Variants in LRP6 observed in about 807,000 individuals in gnomAD.
The protein encoded by LRP6 is LDL receptor related protein 6.
A neutral mutation model predicts 184.1 loss-of-function variants in LRP6; 43 were observed. That is an observed-to-expected ratio of 0.23 (90% CI 0.18 to 0.30). The LOEUF (loss-of-function observed/expected upper bound fraction) is 0.30. LRP6 is among the 10% of genes least tolerant of loss of function. The pLI is 1.00. For missense variants in LRP6, 1,571 were observed against 2,005.3 expected (o/e 0.78, Z 4.14); for synonymous variants, 719 against 684.9 (o/e 1.05, Z -0.78).
At chr12:12,121,675 C>A (rs1277206694) in intron 22 of LRP6, among the ~76,000 whole-genome samples, 1 of 152,078 alleles carries the variant, frequency 6.6e-6, no homozygotes, top group East Asian at 1.9e-4. Flanking sequence ...TTCAATCTAG[C>A]CTCTGGTTGT....
intron 2 of LRP6, among the ~76,000 whole-genome samples, chr12:12,218,298 A>G (rs1864399339): frequency 6.6e-6 from 1 of 151,810 alleles, no homozygotes; most frequent in East Asian, 1.9e-4. Context: ...CATAACGAGA[A>G]CCCCCATCTT....
rs770419251 is a variant in LRP6 at position 12,125,305 on chromosome 12, G to A, written c.4440C>T (p.Tyr1480=). The A allele has an allele frequency of 3.8e-5, 61 of 1,614,008 alleles. No individual in the cohort carries two copies. In the Admixed American group the frequency reaches 1.0e-3, roughly 26 times the overall value. The change falls in exon 21 of 23, where the codon TAC becomes TAT. Residue 1480 remains tyrosine (Y), a synonymous_variant. Transcript: ENST00000261349. ...AAAACAGACTACTTACTGCAGGGAA[G>A]TAAGTGCCTTTGGTGCTTGAAGAAC... ...SSSSSSTKGT[Y]FPAILNPPPS...
chr12:12,237,328 A>G (rs1388596052), intron 2 of LRP6, among the ~76,000 whole-genome samples: 1 of 152,256 alleles, frequency 6.6e-6, no homozygotes, highest in Non-Finnish European at 1.5e-5. Context: ...GGACAGCTCT[A>G]CGTTAAGGTA....
At chr12:12,175,897 C>T (rs1039835382) in intron 7 of LRP6, among the ~76,000 whole-genome samples, 30 of 151,756 alleles carry the variant, frequency 2.0e-4, no homozygotes, top group African/African-American at 6.5e-4. Context: ...GCTAATAGTA[C>T]ATTCTTAATT....
chr12:12,127,959 A>G (rs1442705934), intron 19 of LRP6, among the ~76,000 whole-genome samples: 1 of 152,218 alleles, frequency 6.6e-6, no homozygotes, highest in Non-Finnish European at 1.5e-5. Flanking sequence ...GACTCTTCTT[A>G]GTCCTTGAGA....
intron 12 of LRP6, among the ~76,000 whole-genome samples, chr12:12,153,749 C>A (rs998126860): frequency 2.5e-4 from 38 of 152,204 alleles, no homozygotes; most frequent in Admixed American, 1.6e-3. Flanking sequence ...GCTTTAACAA[C>A]GACCTCATCT....
chr12:12,242,295 CA>C (rs1865086887), intron 2 of LRP6, among the ~76,000 whole-genome samples: 1 of 152,130 alleles, frequency 6.6e-6, no homozygotes, highest in African/African-American at 2.4e-5. Context: ...TGTCCTTAAA[CA>C]GTAAAGATAA....
At chr12:12,178,416 A>G (rs550835292) in intron 7 of LRP6, among the ~76,000 whole-genome samples, 1 of 152,306 alleles carries the variant, frequency 6.6e-6, no homozygotes, top group South Asian at 2.1e-4. Flanking sequence ...ACCCTACATG[A>G]TAATAAATTT....
chr12:12,151,355 T>C (rs542572750), intron 12 of LRP6, among the ~76,000 whole-genome samples: 53 of 152,210 alleles, frequency 3.5e-4, no homozygotes, highest in Middle Eastern at 3.4e-3. Flanking sequence ...ATTCTCCTGG[T>C]CTACCAAGTG....
intron 12 of LRP6, chr12:12,155,390 G>A (rs1950138373): frequency 1.3e-6 from 1 of 796,292 alleles, no homozygotes; most frequent in Non-Finnish European, 2.2e-6. Context: ...TAGACATCAA[G>A]GGAATGGGTA....
rs536725161 is a variant in LRP6 at position 12,242,974 on chromosome 12, AT to A, written c.449+1287del. The stretch of plus-strand genomic sequence containing the variant: ...AGTTCTCATTTATTACATAAAAAGA[AT>A]TCACTCCTTTCTATAAGTGAAATGA... On this transcript the variant is annotated intron_variant, in intron 2 of 22. Coordinates refer to ENST00000261349, the MANE Select transcript of LRP6 (RefSeq NM_002336.3). 1.2e-4 allele frequency among the ~76,000 whole-genome samples: 18 copies of A among 152,358 alleles called. No homozygotes were observed. In the East Asian group the frequency reaches 3.5e-3, roughly 29 times the overall value.
chr12:12,124,317 G>A (rs1038291455), intron 22 of LRP6, among the ~76,000 whole-genome samples: 4 of 152,144 alleles, frequency 2.6e-5, no homozygotes, highest in African/African-American at 9.7e-5. Flanking sequence ...AGGTTGCAGT[G>A]AGCTGAGATC....
rs188074687 is a variant in LRP6, at chr12:12,240,822, G to A, written c.449+3440C>T. ...ATGGTAACTGTGGAATCAGACTGAG[G>A]GGCTCCAGCATTAGGAGCAGCCACA... On this transcript the variant is annotated intron_variant, in intron 2 of 22. Transcript: ENST00000261349. Among the ~76,000 whole-genome samples, 240 of 152,112 alleles carry A rather than the reference G, an allele frequency of 1.6e-3. 1 individual carries two copies. Among genetic ancestry groups the A allele is most frequent in the Non-Finnish European group, 3.0e-3 (206 of 67,982 alleles).
intron 3 of LRP6, among the ~76,000 whole-genome samples, chr12:12,194,370 A>C (rs1049012395): frequency 6.6e-6 from 1 of 152,084 alleles, no homozygotes; most frequent in African/African-American, 2.4e-5. Context: ...CAGATGAAGG[A>C]AAAAAACTTG....
At chr12:12,148,751 G>A (rs1372086415) in intron 14 of LRP6, among the ~76,000 whole-genome samples, 191 bp downstream of exon 14, 2 of 152,190 alleles carry the variant, frequency 1.3e-5, no homozygotes, top group Non-Finnish European at 2.9e-5. Context: ...GCCCAGGAAA[G>A]AAAGTCTGGG....
intron 16 of LRP6, among the ~76,000 whole-genome samples, chr12:12,137,058 A>T (rs903901707): frequency 6.6e-6 from 1 of 152,184 alleles, no homozygotes; most frequent in Non-Finnish European, 1.5e-5. Context: ...TAACTTTCTA[A>T]TTCTCAATTA....
intron 2 of LRP6, among the ~76,000 whole-genome samples, chr12:12,225,017 C>A (rs1294572654): frequency 6.6e-6 from 1 of 152,122 alleles, no homozygotes; most frequent in Non-Finnish European, 1.5e-5. Flanking sequence ...CCAGCCTGAC[C>A]AACATGGTTA....
intron 19 of LRP6, among the ~76,000 whole-genome samples, 166 bp from the exon 20 acceptor site, chr12:12,127,087 CAT>C (rs1020545130): frequency 3.0e-4 from 45 of 152,096 alleles, no homozygotes; most frequent in African/African-American, 1.0e-3. Context: ...GCCCTGAAGA[CAT>C]ATGAAATAAA....
chr12:12,121,571 T>C (rs989316015), intron 22 of LRP6, 151 bp from the exon 23 acceptor site: 6 of 711,108 alleles, frequency 8.4e-6, no homozygotes, highest in African/African-American at 1.8e-5. Flanking sequence ...CAATTTTCAA[T>C]GGCAGATTCG....
Sources: gnomAD v4.1 joint callset for allele counts (sites outside exome capture counted in the v4.1 genomes callset) on GRCh38, gnomAD v4.1.1 for gene constraint, MANE v1.5 for transcripts, NCBI Gene and HGNC (gene_info 2026-07-23, HGNC 2026-07-21) for gene names.